Variants in LRFN5 observed in about 807,000 individuals in gnomAD.
LRFN5 encodes leucine-rich repeat and fibronectin type-III domain-containing protein 5.
A neutral mutation model predicts 45.6 loss-of-function variants in LRFN5; 24 were observed. That is an observed-to-expected ratio of 0.53 (90% CI 0.38 to 0.74). The LOEUF (loss-of-function observed/expected upper bound fraction) is 0.74, where lower values mean the gene tolerates loss of function less well. Ranked by LOEUF, LRFN5 falls within the 30% of genes least tolerant of loss-of-function variation. The probability of loss-of-function intolerance (pLI) is 0.00; values close to 1 mark genes in which losing one functional copy is unlikely to be tolerated. For missense variants in LRFN5, 776 were observed against 861.5 expected (o/e 0.90, Z 1.24); for synonymous variants, 340 against 313.8 (o/e 1.08, Z -0.88).
At chr14:41,826,154 G>T (rs1888287630) in intron 2 of LRFN5, among the ~76,000 whole-genome samples, 3 of 152,180 alleles carry the variant, frequency 2.0e-5, no homozygotes. Flanking sequence ...AAAGGATTTT[G>T]TGAGGTGGAG....
intron 1 of LRFN5, among the ~76,000 whole-genome samples, chr14:41,737,065 C>T (rs748744170): frequency 9.2e-5 from 14 of 152,150 alleles, no homozygotes; most frequent in African/African-American, 1.9e-4. Flanking sequence ...AAATTTCAGG[C>T]CAGTATCCCT....
intron 2 of LRFN5, among the ~76,000 whole-genome samples, chr14:41,822,211 A>G (rs1356128434): frequency 6.6e-6 from 1 of 151,478 alleles, no homozygotes; most frequent in African/African-American, 2.4e-5. Flanking sequence ...TGGGCTTGTT[A>G]TGTTCTTATT....
intron 1 of LRFN5, among the ~76,000 whole-genome samples, chr14:41,753,532 T>C (rs1415686832): frequency 4.6e-5 from 7 of 152,072 alleles, no homozygotes; most frequent in Non-Finnish European, 1.0e-4. Context: ...GAAGCAATTG[T>C]GAATGGGAGT....
rs1044717444 is a variant in LRFN5, at chr14:41,657,011, A to G, written c.-197+48449A>G. 9.2e-5 allele frequency among the ~76,000 whole-genome samples: 14 copies of G among 152,010 alleles called. No individual in the cohort carries two copies. In the South Asian group the frequency reaches 2.9e-3, roughly 31 times the overall value. Reference sequence around the variant, plus strand: ...CTCAATCGTTATGTTTCTTAGTCATATATTATTATTCCTAATATATAGAAA... The same window carrying G: ...CTCAATCGTTATGTTTCTTAGTCATGTATTATTATTCCTAATATATAGAAA... On this transcript the variant is annotated intron_variant, in intron 1 of 5. Transcript: ENST00000298119.
intron 2 of LRFN5, among the ~76,000 whole-genome samples, chr14:41,833,189 T>C (rs1156783554): frequency 6.6e-6 from 1 of 152,104 alleles, no homozygotes; most frequent in African/African-American, 2.4e-5. Context: ...TTACAACCAT[T>C]ATGACAATGT....
At chr14:41,881,340 T>C (rs888963425) in intron 2 of LRFN5, among the ~76,000 whole-genome samples, 2 of 151,888 alleles carry the variant, frequency 1.3e-5, no homozygotes, top group Non-Finnish European at 2.9e-5. Flanking sequence ...TTCTTTTCTT[T>C]ATAAATTTTA....
intron 1 of LRFN5, among the ~76,000 whole-genome samples, chr14:41,715,325 T>C (rs1409560046): frequency 6.6e-6 from 1 of 152,202 alleles, no homozygotes; most frequent in Non-Finnish European, 1.5e-5. Context: ...AGAAATTCTA[T>C]CATTTGATCC....
intron 2 of LRFN5, among the ~76,000 whole-genome samples, chr14:41,871,078 A>G (rs17112350): frequency 0.097 from 14,800 of 152,098 alleles, 789 homozygotes; most frequent in Middle Eastern, 0.18. Flanking sequence ...GCTAGAAATA[A>G]GTGCTTTTAA....
intron 2 of LRFN5, among the ~76,000 whole-genome samples, chr14:41,861,269 A>G (rs1889649737): frequency 6.6e-6 from 1 of 152,124 alleles, no homozygotes; most frequent in Non-Finnish European, 1.5e-5. Context: ...TCTTTGCCAA[A>G]TGGTGGTTTT....
rs370624158 is a variant in LRFN5, at chr14:41,891,801, A to G, written c.1937A>G (p.Lys646Arg). ...STSVSQKQKR[K>R]TGTKPSTEPQ... ...TCTGTGTCCCAAAAGCAGAAAAGAA[A>G]GACTGGCACAAAGCCAAGTACAGAA... The change falls in exon 4 of 6, where the codon AAG becomes AGG. Residue 646 changes from lysine to arginine, a missense_variant. Physicochemically the swap from Lys to Arg is conservative, Grantham distance 26. Transcript: ENST00000298119. 5.0e-6 allele frequency: 8 copies of G among 1,614,200 alleles called. No homozygotes were observed. In the African/African-American group the frequency reaches 9.3e-5, roughly 19 times the overall value.
At chr14:41,668,814 A>T (rs540204666) in intron 1 of LRFN5, among the ~76,000 whole-genome samples, 1 of 152,168 alleles carries the variant, frequency 6.6e-6, no homozygotes, top group African/African-American at 2.4e-5. Flanking sequence ...CTGAAGAATA[A>T]TGAAGCCAAG....
intron 1 of LRFN5, among the ~76,000 whole-genome samples, chr14:41,626,928 G>T (rs1265446550): frequency 2.0e-5 from 3 of 152,006 alleles, no homozygotes; most frequent in South Asian, 2.1e-4. Context: ...GAAGAATGAA[G>T]CTACACTTTT....
intron 1 of LRFN5, among the ~76,000 whole-genome samples, chr14:41,742,083 C>G (rs544884816): frequency 2.0e-5 from 3 of 151,802 alleles, no homozygotes; most frequent in African/African-American, 7.2e-5. Context: ...TAAATTAATA[C>G]AATCATTTTG....
intron 1 of LRFN5, among the ~76,000 whole-genome samples, chr14:41,608,973 TC>T (rs1887618888): frequency 1.3e-5 from 2 of 152,218 alleles, no homozygotes; most frequent in African/African-American, 4.8e-5. Flanking sequence ...AAACCAAAGA[TC>T]TTTTCTACCC....
chr14:41,613,511 C>CAT (rs1887832102), intron 1 of LRFN5, among the ~76,000 whole-genome samples: 1 of 151,608 alleles, frequency 6.6e-6, no homozygotes. Flanking sequence ...TTTGTGGGAA[C>CAT]ATATATATAA....
chr14:41,798,364 C>A (rs1887207053), intron 2 of LRFN5, among the ~76,000 whole-genome samples: 1 of 151,910 alleles, frequency 6.6e-6, no homozygotes, highest in Non-Finnish European at 1.5e-5. Flanking sequence ...ATTTATGGTA[C>A]CTGTCTTCTG....
chr14:41,639,815 C>A (rs1879483219), intron 1 of LRFN5, among the ~76,000 whole-genome samples: 1 of 151,960 alleles, frequency 6.6e-6, no homozygotes, highest in South Asian at 2.1e-4. Context: ...TGTGGTCTTG[C>A]TTCATTTCCC....
At chr14:41,859,769 T>A (rs1407698511) in intron 2 of LRFN5, among the ~76,000 whole-genome samples, 1 of 152,210 alleles carries the variant, frequency 6.6e-6, no homozygotes, top group African/African-American at 2.4e-5. Context: ...TTGCTTCTCT[T>A]GAATATTTTA....
At chr14:41,884,105 T>C (rs1365416987) in intron 2 of LRFN5, among the ~76,000 whole-genome samples, 3 of 152,198 alleles carry the variant, frequency 2.0e-5, no homozygotes, top group Non-Finnish European at 2.9e-5. Flanking sequence ...CCTGAGACTC[T>C]GCTCTCCAAT....
Sources: allele counts gnomAD v4.1 joint callset (sites outside exome capture counted in the v4.1 genomes callset), GRCh38; gene constraint gnomAD v4.1.1; transcripts MANE v1.5; gene names NCBI Gene and HGNC (gene_info 2026-07-23, HGNC 2026-07-21).